The following RASA2 variants were observed in gnomAD, a reference collection of about 807,000 sequenced individuals.
RASA2 encodes the protein RAS p21 protein activator 2.
RASA2 carries 155 observed loss-of-function variants against 118.2 expected under a neutral mutation model. The observed-to-expected ratio is 1.31, with a 90% CI of 1.15 to 1.50. The LOEUF is 1.50. RASA2 is among the 40% of genes most tolerant of loss of function. The pLI, the probability that RASA2 is intolerant of heterozygous loss-of-function variation, is 0.00. For synonymous variants in RASA2, 353 were observed against 349.1 expected (o/e 1.01, Z -0.12); for missense variants, 1,016 against 1,009.6 (o/e 1.01, Z -0.09).
intron 9 of RASA2, among the ~76,000 whole-genome samples, chr3:141,566,964 C>G (rs1392410084): frequency 6.6e-6 from 1 of 152,100 alleles, no homozygotes; most frequent in Non-Finnish European, 1.5e-5. Context: ...TGGGTTCAAA[C>G]AGCAATGCTT....
At chr3:141,491,551 C>A (rs557556950) in intron 1 of RASA2, among the ~76,000 whole-genome samples, 1 of 152,170 alleles carries the variant, frequency 6.6e-6, no homozygotes, top group African/African-American at 2.4e-5. Flanking sequence ...ACAATGTTAT[C>A]CTGTGGATAA....
In RASA2 at chr3:141,580,293, TTACTC is replaced by T. The variant is rs528644114; in HGVS notation, c.1591-72_1591-68del. On this transcript the variant is annotated intron_variant, in intron 15 of 23. Coordinates refer to ENST00000286364, the MANE Select transcript of RASA2 (RefSeq NM_006506.5). The stretch of plus-strand genomic sequence containing the variant: ...ATTGTTTTACAGCAATGTAGTCCAT[TTACTC>T]TATTCTACTTTTTTATACAAACTAT... The T allele has an allele frequency of 1.0e-4, 116 of 1,134,866 alleles. No homozygotes were observed. The African/African-American group carries it at 1.5e-3, about 15-fold the overall frequency. The allele number at this position is 1,134,866 out of a possible 1,614,324, so 70.3% of individuals were successfully genotyped here. A position where few individuals can be genotyped will look rare whatever the true frequency, so the allele number is the denominator to read the frequency against.
intron 7 of RASA2, among the ~76,000 whole-genome samples, chr3:141,558,569 G>A (rs2082683141): frequency 6.6e-6 from 1 of 152,230 alleles, no homozygotes; most frequent in South Asian, 2.1e-4. Context: ...GGAAGTACAA[G>A]CTGTAAGGAT....
intron 2 of RASA2, among the ~76,000 whole-genome samples, chr3:141,515,223 A>G (rs1402298164): frequency 1.3e-5 from 2 of 152,036 alleles, no homozygotes; most frequent in African/African-American, 4.8e-5. Context: ...TTAAAATTGC[A>G]TATTTTAATT....
intron 5 of RASA2, among the ~76,000 whole-genome samples, chr3:141,551,338 T>C (rs1458945534): frequency 6.6e-6 from 1 of 152,240 alleles, no homozygotes; most frequent in Non-Finnish European, 1.5e-5. Context: ...TACCAGGTTT[T>C]CTACTGTGGC....
intron 15 of RASA2, among the ~76,000 whole-genome samples, chr3:141,579,915 G>T (rs942130416): frequency 3.3e-5 from 5 of 151,298 alleles, no homozygotes; most frequent in Admixed American, 6.6e-5. Context: ...AATTAGCCAG[G>T]TGTGGTGTCA....
intron 3 of RASA2, among the ~76,000 whole-genome samples, chr3:141,521,592 T>G (rs186046892): frequency 1.8e-4 from 27 of 152,290 alleles, no homozygotes; most frequent in Admixed American, 3.3e-4. Flanking sequence ...TTGCCTTTGT[T>G]TTTTGTTTAT....
At chr3:141,587,018 T>G (rs751907265) in intron 19 of RASA2, 8 of 455,538 alleles carry the variant, frequency 1.8e-5, no homozygotes, top group African/African-American at 1.6e-4. Context: ...TAATCCATAC[T>G]GTTATTTATC....
chr3:141,530,751 A>C (rs2082247889), intron 4 of RASA2, among the ~76,000 whole-genome samples: 1 of 152,144 alleles, frequency 6.6e-6, no homozygotes, highest in Non-Finnish European at 1.5e-5. Context: ...CTTAACTGCA[A>C]AATTTAACAT....
chr3:141,585,952 C>A, intron 17 of RASA2, 73 bp from the exon 18 acceptor site: 1 of 1,159,524 alleles, frequency 8.6e-7, no homozygotes, highest in Admixed American at 2.4e-5. Context: ...TAATTAATGA[C>A]ATGTAAGATA....
chr3:141,543,568 A>G (rs78971034), intron 5 of RASA2, among the ~76,000 whole-genome samples: 19,689 of 152,014 alleles, frequency 0.13, 1,823 homozygotes, highest in East Asian at 0.24. Flanking sequence ...GTTTCCTCTT[A>G]ACATTCTTTT....
At position 141,589,427 on chromosome 3, in the gene RASA2, G is replaced by A. The variant is rs556200460; in HGVS notation, c.1933+2675G>A. Among the ~76,000 whole-genome samples, 12 of 152,224 alleles carry A rather than the reference G, an allele frequency of 7.9e-5. No individual in the cohort carries two copies. The South Asian group carries it at 2.5e-3, about 32-fold the overall frequency. ...TATGGACCCCTTTGTCTAGAAAACT[G>A]TACCTACAAACATAGACAAAAAATT... On this transcript the variant is annotated intron_variant, in intron 19 of 23. Coordinates refer to ENST00000286364, the MANE Select transcript of RASA2 (RefSeq NM_006506.5).
chr3:141,501,741 T>A (rs2081784304), intron 1 of RASA2, among the ~76,000 whole-genome samples: 1 of 152,172 alleles, frequency 6.6e-6, no homozygotes, highest in Non-Finnish European at 1.5e-5. Context: ...TTATATAGGG[T>A]TGTCTTATTT....
intron 1 of RASA2, among the ~76,000 whole-genome samples, chr3:141,502,974 G>A (rs548475449): frequency 9.2e-5 from 14 of 152,268 alleles, no homozygotes; most frequent in Non-Finnish European, 1.8e-4. Context: ...AAAGACTCTA[G>A]GCTTTGGAGT....
At chr3:141,575,779 G>A (rs907764587) in intron 14 of RASA2, among the ~76,000 whole-genome samples, 2 of 152,022 alleles carry the variant, frequency 1.3e-5, no homozygotes, top group Admixed American at 1.3e-4. Flanking sequence ...ACTTTATGGG[G>A]TTTTTTTGGG....
intron 15 of RASA2, among the ~76,000 whole-genome samples, chr3:141,579,924 C>G (rs1342276411): frequency 6.6e-6 from 1 of 151,148 alleles, no homozygotes; most frequent in Non-Finnish European, 1.5e-5. Flanking sequence ...GGTGTGGTGT[C>G]AGGCACCTGC....
At chr3:141,580,270 T>C in intron 15 of RASA2, 98 bp from the exon 16 acceptor site, 1 of 884,748 alleles carries the variant, frequency 1.1e-6, no homozygotes, top group East Asian at 2.7e-5. Context: ...TTTGAGTCAT[T>C]GTTTTACAGC....
chr3:141,528,366 G>A (rs1190185213), intron 3 of RASA2, among the ~76,000 whole-genome samples: 6 of 151,502 alleles, frequency 4.0e-5, no homozygotes, highest in Non-Finnish European at 8.9e-5. Context: ...ACCCTTTTAA[G>A]GTATACATTA....
chr3:141,572,462 T>C, intron 11 of RASA2, 147 bp from the exon 12 acceptor site: 2 of 561,840 alleles, frequency 3.6e-6, no homozygotes, highest in East Asian at 6.7e-5. Flanking sequence ...ATGGTAAAAA[T>C]TACTAAAATT....
Sources: gnomAD v4.1 joint callset for allele counts (sites outside exome capture counted in the v4.1 genomes callset) on GRCh38, gnomAD v4.1.1 for gene constraint, MANE v1.5 for transcripts, NCBI Gene and HGNC (gene_info 2026-07-23, HGNC 2026-07-21) for gene names.